The following TTC8 variants were observed in gnomAD, a reference collection of about 807,000 sequenced individuals.
TTC8 encodes tetratricopeptide repeat domain 8, also known as tetratricopeptide repeat protein 8.
Under a neutral mutation model 72.5 loss-of-function variants are expected in TTC8, and 47 were observed. That is an observed-to-expected ratio of 0.65 (90% CI 0.51 to 0.83). The LOEUF (loss-of-function observed/expected upper bound fraction) is 0.83. TTC8 is among the 40% of genes least tolerant of loss of function. TTC8 has a pLI of 0.00. For missense variants in TTC8, 611 were observed against 623.2 expected (o/e 0.98, Z 0.21); for synonymous variants, 199 against 221.4 (o/e 0.90, Z 0.90).
chr14:88,844,763 G>A (rs139097874), intron 7 of TTC8, among the ~76,000 whole-genome samples: 2 of 151,702 alleles, frequency 1.3e-5, no homozygotes, highest in Non-Finnish European at 2.9e-5. Flanking sequence ...TGTTTCCCAG[G>A]CTGGTCTTGA....
chr14:88,832,408 A>G (rs538298080), intron 1 of TTC8, among the ~76,000 whole-genome samples: 15 of 152,166 alleles, frequency 9.9e-5, no homozygotes, highest in Non-Finnish European at 1.6e-4. Flanking sequence ...AGTTTTCTAT[A>G]ATATATTGGA....
chr14:88,866,759 A>G (rs1330694658), intron 10 of TTC8, among the ~76,000 whole-genome samples: 4 of 152,168 alleles, frequency 2.6e-5, no homozygotes, highest in African/African-American at 7.2e-5. Context: ...TTCATCTGGA[A>G]TAGAACACAG....
downstream of TTC8, chr14:88,878,603 T>G (rs892844667): frequency 5.3e-5 from 8 of 152,208 alleles, no homozygotes; most frequent in African/African-American, 1.9e-4. Flanking sequence ...TCCTGCACCT[T>G]AGACTTGAAC....
rs140993038 is a variant in TTC8, at chr14:88,830,389, C to T, written c.115-3304C>T. On this transcript the variant is annotated intron_variant, in intron 1 of 14. Transcript: ENST00000380656. Reference sequence around the variant, plus strand: ...TCAGAGGAAGTTTTAATTTGATCTTCCATCACTGGGAGTCAGTTCTGAGTT... The same window carrying T: ...TCAGAGGAAGTTTTAATTTGATCTTTCATCACTGGGAGTCAGTTCTGAGTT... Among the ~76,000 whole-genome samples the T allele has an allele frequency of 6.3e-3, 959 of 152,226 alleles. 13 individuals are homozygous for T. Among genetic ancestry groups the T allele is most frequent in the African/African-American group, 0.022 (927 of 41,522 alleles).
At chr14:88,831,896 T>G (rs1462804191) in intron 1 of TTC8, among the ~76,000 whole-genome samples, 1 of 152,214 alleles carries the variant, frequency 6.6e-6, no homozygotes. Context: ...GCTTTTCTTT[T>G]GTTCACCTAA....
Position 88,877,546 on chromosome 14 carries a change from C to T in TTC8, c.*136C>T, listed in dbSNP as rs2094962315. 3 of 729,868 alleles carry T rather than the reference C, an allele frequency of 4.1e-6. No homozygotes were observed. The highest frequency in any genetic ancestry group is 7.4e-6 in the Non-Finnish European group (3 of 405,304). 45.2% of individuals were successfully genotyped at this position (729,868 alleles called of 1,614,324 possible). A position where few individuals can be genotyped will look rare whatever the true frequency, so the allele number is the denominator to read the frequency against. On this transcript the variant is annotated 3_prime_UTR_variant, in exon 15 of 15. Transcript: ENST00000380656. ...GTCCTTGATATTAGTTAAGGTGACACATAAGGGTGACACAGAATGTGTAAT... is the reference window on the plus strand; with the variant it reads ...GTCCTTGATATTAGTTAAGGTGACATATAAGGGTGACACAGAATGTGTAAT...
At chr14:88,824,854 T>TCAGCGTCAG in intron 1 of TTC8, 33 bp downstream of exon 1, 1 of 1,564,868 alleles carries the variant, frequency 6.4e-7, no homozygotes, top group Non-Finnish European at 8.8e-7. Flanking sequence ...CTGTGCATCC[T>TCAGCGTCAG]GACGCTGAGG....
intron 9 of TTC8, among the ~76,000 whole-genome samples, chr14:88,859,839 A>C (rs916422934): frequency 2.7e-5 from 4 of 145,712 alleles, no homozygotes; most frequent in African/African-American, 1.0e-4. Context: ...ACATATAAAA[A>C]TAATATAAAT....
chr14:88,850,811 G>C (rs1201345300), intron 7 of TTC8, among the ~76,000 whole-genome samples: 1 of 152,162 alleles, frequency 6.6e-6, no homozygotes, highest in Non-Finnish European at 1.5e-5. Context: ...CCTCGGTCTG[G>C]GGATACACAG....
At chr14:88,879,591 C>T (rs532671664), downstream of TTC8, 1 of 151,754 alleles carries the variant, frequency 6.6e-6, no homozygotes, top group African/African-American at 2.4e-5. Context: ...CTCAGATTAT[C>T]TATCAGGATA....
At position 88,841,122 on chromosome 14, in the gene TTC8, A is replaced by T. The variant is rs766062841; in HGVS notation, c.415A>T (p.Ile139Phe). ...SGRPGTMEQAIRTPRTAYTAR... is the reference protein window; with the variant it reads ...SGRPGTMEQAFRTPRTAYTAR... ...AAGGCCAGGCACTATGGAACAGGCT[A>T]TCAGAACACCCAGAACCGCCTACAC... Residue 139 changes from isoleucine to phenylalanine, a missense_variant, in exon 5 of 15, where the codon ATC becomes TTC. Ile to Phe is a conservative substitution (Grantham distance 21, BLOSUM62 0). Transcript: ENST00000380656. The T allele has an allele frequency of 6.2e-7, 1 of 1,614,150 alleles. No individual in the cohort carries two copies. The highest frequency in any genetic ancestry group is 1.7e-5 in the Admixed American group (1 of 59,998).
rs369208932 is a variant in TTC8 at position 88,875,117 on chromosome 14, C to A, written c.1431+8C>A. 1.3e-6 allele frequency: 2 copies of A among 1,599,224 alleles called. No individual in the cohort carries two copies. Among genetic ancestry groups the A allele is most frequent in the African/African-American group, 2.7e-5 (2 of 74,680 alleles). ...GCAACAATCTCTGATAAGGTATTCT[C>A]TTTCTTCATTAATTTATCATCTGAT... On this transcript the variant is annotated splice_region_variant and intron_variant, in intron 14 of 14. Coordinates refer to ENST00000380656, the MANE Select transcript of TTC8 (RefSeq NM_144596.4).
chr14:88,826,182 A>G (rs1312325975), intron 1 of TTC8, among the ~76,000 whole-genome samples: 1 of 150,614 alleles, frequency 6.6e-6, no homozygotes, highest in Non-Finnish European at 1.5e-5. Context: ...TAGAGACGGG[A>G]TTTCACCGTG....
chr14:88,866,415 GCA>G lies in TTC8; in HGVS notation c.910-3637_910-3636del, dbSNP rs67383233. Among the ~76,000 whole-genome samples, 7 of 99,760 alleles carry G rather than the reference GCA, an allele frequency of 7.0e-5. No homozygotes were observed. In the East Asian group the frequency reaches 1.0e-3, roughly 15 times the overall value. The allele number at this position is 99,760 out of a possible 152,430, so 65.4% of individuals were successfully genotyped here. ...CACACACACACACACACACACACAC[GCA>G]CACACAAATTCTCATCTATTTAGTC... On this transcript the variant is annotated intron_variant, in intron 10 of 14. Transcript: ENST00000380656.
chr14:88,844,514 TA>T (rs1422020971), intron 7 of TTC8, among the ~76,000 whole-genome samples: 1 of 152,098 alleles, frequency 6.6e-6, no homozygotes, highest in Non-Finnish European at 1.5e-5. Flanking sequence ...TTTAGGAAAA[TA>T]AAAATGTTTT....
chr14:88,832,405 T>C (rs1172783513), intron 1 of TTC8, among the ~76,000 whole-genome samples: 1 of 152,224 alleles, frequency 6.6e-6, no homozygotes, highest in African/African-American at 2.4e-5. Flanking sequence ...CTCAGTTTTC[T>C]ATAATATATT....
chr14:88,866,731 A>C (rs946954623), intron 10 of TTC8, among the ~76,000 whole-genome samples: 3 of 152,174 alleles, frequency 2.0e-5, no homozygotes, highest in African/African-American at 7.2e-5. Flanking sequence ...ACTATGGTCA[A>C]CATCAACACG....
intron 7 of TTC8, among the ~76,000 whole-genome samples, chr14:88,846,237 G>A (rs1169036179): frequency 6.6e-6 from 1 of 152,028 alleles, no homozygotes; most frequent in Non-Finnish European, 1.5e-5. Flanking sequence ...ACTCTGGGAG[G>A]ATCACCTGAA....
rs372409203 is a variant in TTC8 at position 88,872,472 on chromosome 14, C to A, written c.1347+20C>A. 7 of 1,612,822 alleles carry A rather than the reference C, an allele frequency of 4.3e-6. No homozygotes were observed. Among genetic ancestry groups the A allele is most frequent in the Non-Finnish European group, 5.1e-6 (6 of 1,179,454 alleles). On this transcript the variant is annotated intron_variant, in intron 13 of 14. Coordinates refer to ENST00000380656, the MANE Select transcript of TTC8 (RefSeq NM_144596.4). Reference sequence around the variant, plus strand: ...GAACAGGTCAGTGAACTGGCAGCGGCATGCTGGGCAGTCTGCTTTCTTCAG... The same window carrying A: ...GAACAGGTCAGTGAACTGGCAGCGGAATGCTGGGCAGTCTGCTTTCTTCAG...
Sources: gnomAD v4.1 joint callset for allele counts (sites outside exome capture counted in the v4.1 genomes callset) on GRCh38, gnomAD v4.1.1 for gene constraint, MANE v1.5 for transcripts, NCBI Gene and HGNC (gene_info 2026-07-23, HGNC 2026-07-21) for gene names.